The following PRKCB variants were observed in gnomAD, a reference collection of about 807,000 sequenced individuals.
The protein encoded by PRKCB is protein kinase C beta, also known as protein kinase C beta type.
In PRKCB, 13 loss-of-function variants were observed where a neutral mutation model predicts 81.5. The observed-to-expected ratio is 0.16, with a 90% confidence interval of 0.10 to 0.25. The LOEUF (loss-of-function observed/expected upper bound fraction) is 0.25. Ranked by LOEUF, PRKCB falls within the 10% of genes least tolerant of loss-of-function variation. The pLI, the probability that PRKCB is intolerant of heterozygous loss-of-function variation, is 1.00. For missense variants in PRKCB, 509 were observed against 875.7 expected, an observed-to-expected ratio of 0.58 and a Z score of 5.29; for synonymous variants, 335 against 321.4, an observed-to-expected ratio of 1.04 and a Z score of -0.45.
intron 3 of PRKCB, among the ~76,000 whole-genome samples, chr16:23,994,264 A>C (rs1964926813): frequency 6.6e-6 from 1 of 152,142 alleles, no homozygotes; most frequent in South Asian, 2.1e-4. Context: ...TGATCAATGG[A>C]ATTTTAGCTC....
intron 2 of PRKCB, among the ~76,000 whole-genome samples, chr16:23,897,110 G>C (rs1363413123): frequency 6.6e-6 from 1 of 152,210 alleles, no homozygotes; most frequent in Non-Finnish European, 1.5e-5. Flanking sequence ...ACCTCCTGGA[G>C]AGTAGAGCCT....
At chr16:24,071,297 C>T (rs192507113) in intron 5 of PRKCB, among the ~76,000 whole-genome samples, 48 of 152,098 alleles carry the variant, frequency 3.2e-4, no homozygotes, top group Admixed American at 5.2e-4. Flanking sequence ...TACCTCTTCT[C>T]TGCATTGCCT....
rs61454334 is a variant in PRKCB at position 23,886,412 on chromosome 16, T to TG, written c.205+49006_205+49007insG. ...GGACTATGGTGTGTTAGGTGTTTTTTTTTTTTTTTTTTTTTTTTTTGATGA... is the reference window on the plus strand; with the variant it reads ...GGACTATGGTGTGTTAGGTGTTTTTTGTTTTTTTTTTTTTTTTTTTTGATGA... On this transcript the variant is annotated intron_variant, in intron 2 of 16. Transcript: ENST00000643927. Among the ~76,000 whole-genome samples, 284 of 110,980 alleles carry TG rather than the reference T, an allele frequency of 2.6e-3. 6 individuals are homozygous for TG. The highest frequency in any genetic ancestry group is 9.1e-3 in the African/African-American group (266 of 29,150). 72.8% of individuals were successfully genotyped at this position (110,980 alleles called of 152,430 possible).
chr16:23,954,617 A>C (rs1964325713), intron 2 of PRKCB, among the ~76,000 whole-genome samples: 1 of 152,232 alleles, frequency 6.6e-6, no homozygotes, highest in Non-Finnish European at 1.5e-5. Flanking sequence ...CAGCATGGAC[A>C]CTAGAGCCTG....
intron 5 of PRKCB, among the ~76,000 whole-genome samples, chr16:24,063,186 C>A (rs1044332578): frequency 6.6e-6 from 1 of 151,938 alleles, no homozygotes; most frequent in Non-Finnish European, 1.5e-5. Context: ...TCTCACCATG[C>A]GTTGTTGATC....
At chr16:23,842,680 C>A (rs1962287675) in intron 2 of PRKCB, among the ~76,000 whole-genome samples, 1 of 152,214 alleles carries the variant, frequency 6.6e-6, no homozygotes, top group Non-Finnish European at 1.5e-5. Context: ...TAAGTTGGCT[C>A]TTCCTTTTCC....
chr16:24,220,028 C>T lies in PRKCB; in HGVS notation c.*5212C>T. ...AGACAGCCTGTGGAACTGACCCCCACTGATAAACTCTTCATCATGAACTTG... is the reference window on the plus strand; with the variant it reads ...AGACAGCCTGTGGAACTGACCCCCATTGATAAACTCTTCATCATGAACTTG... On this transcript the variant is annotated 3_prime_UTR_variant, in exon 17 of 17. Transcript: ENST00000643927. 6.2e-7 allele frequency: 1 copy of T among 1,614,204 alleles called. No individual in the cohort carries two copies. Among genetic ancestry groups the T allele is most frequent in the Non-Finnish European group, 8.5e-7 (1 of 1,180,020 alleles).
intron 2 of PRKCB, among the ~76,000 whole-genome samples, chr16:23,908,111 G>A (rs1204736133): frequency 6.6e-6 from 1 of 152,118 alleles, no homozygotes; most frequent in Non-Finnish European, 1.5e-5. Flanking sequence ...AGGGAAGTGG[G>A]TGGAATCCCT....
chr16:23,906,073 G>A lies in PRKCB; in HGVS notation c.205+68667G>A, dbSNP rs1221535361. On this transcript the variant is annotated intron_variant, in intron 2 of 16. Transcript: ENST00000643927. The stretch of plus-strand genomic sequence containing the variant: ...TTGACGACGTGCAAGGATAGGTGTC[G>A]CATTGGAATCATGAGGACGGAGGAT... Among the ~76,000 whole-genome samples the A allele has an allele frequency of 2.0e-5, 3 of 152,140 alleles. No individual in the cohort carries two copies. In the East Asian group the frequency reaches 5.8e-4, roughly 29 times the overall value.
At chr16:23,922,388 G>T (rs1436983113) in intron 2 of PRKCB, among the ~76,000 whole-genome samples, 1 of 152,160 alleles carries the variant, frequency 6.6e-6, no homozygotes, top group Non-Finnish European at 1.5e-5. Context: ...CAGAAATCTG[G>T]ATTTCATGCA....
intron 5 of PRKCB, among the ~76,000 whole-genome samples, chr16:24,074,647 A>G (rs1966155980): frequency 6.6e-6 from 1 of 152,214 alleles, no homozygotes; most frequent in Admixed American, 6.5e-5. Flanking sequence ...GTCAGTGAGG[A>G]TGTTCTGAGA....
At chr16:24,088,817 C>A (rs1381790081) in intron 5 of PRKCB, among the ~76,000 whole-genome samples, 1 of 151,862 alleles carries the variant, frequency 6.6e-6, no homozygotes, top group Admixed American at 6.6e-5. Context: ...TCTAAAAGAG[C>A]TGTAAATTCC....
At position 24,217,295 on chromosome 16, in the gene PRKCB, A is replaced by G; in HGVS notation, c.*2479A>G. 2.0e-6 allele frequency: 2 copies of G among 985,404 alleles called. No individual in the cohort carries two copies. The highest frequency in any genetic ancestry group is 2.4e-6 in the Non-Finnish European group (2 of 829,920). 61.0% of individuals were successfully genotyped at this position (985,404 alleles called of 1,614,324 possible). ...TCAAGCCAAAGTCTGTTTTAGAGAA[A>G]CTTTCCATGGAAAGTCAGAATTTCT... is the stretch of plus-strand genomic sequence containing the variant. On this transcript the variant is annotated 3_prime_UTR_variant, in exon 17 of 17. Coordinates refer to ENST00000643927, the MANE Select transcript of PRKCB (RefSeq NM_002738.7).
rs367894275 is a variant in PRKCB, at chr16:24,220,129, A to G, written c.*5313A>G. Reference sequence around the variant, plus strand: ...TAATGTGTAGGTGAATGCAAACTCCATCGTTGAGCCTGGGGTGTAAGACTT... The same window carrying G: ...TAATGTGTAGGTGAATGCAAACTCCGTCGTTGAGCCTGGGGTGTAAGACTT... On this transcript the variant is annotated 3_prime_UTR_variant, in exon 17 of 17. Coordinates refer to ENST00000643927, the MANE Select transcript of PRKCB (RefSeq NM_002738.7). The G allele has an allele frequency of 1.8e-5, 29 of 1,613,818 alleles. No homozygotes were observed. The highest frequency in any genetic ancestry group is 2.2e-5 in the East Asian group (1 of 44,892).
At chr16:23,891,040 G>GTATATATATATATATA (rs60980013) in intron 2 of PRKCB, among the ~76,000 whole-genome samples, 1 of 145,678 alleles carries the variant, frequency 6.9e-6, no homozygotes, top group Non-Finnish European at 1.5e-5. Context: ...TAATGTGTGT[G>GTATATATATATATATA]TATATATATA....
At chr16:24,150,093 G>T (rs1274669772) in intron 9 of PRKCB, among the ~76,000 whole-genome samples, 6 of 152,184 alleles carry the variant, frequency 3.9e-5, no homozygotes, top group Non-Finnish European at 8.8e-5. Flanking sequence ...CACTTTGGGA[G>T]ACCTAGATGG....
intron 2 of PRKCB, among the ~76,000 whole-genome samples, chr16:23,889,325 G>C (rs1031527758): frequency 1.2e-4 from 19 of 152,244 alleles, no homozygotes; most frequent in African/African-American, 4.6e-4. Context: ...GCTATAAAAT[G>C]AGATTGATGT....
chr16:24,112,768 A>C (rs1966690505), intron 7 of PRKCB, among the ~76,000 whole-genome samples: 1 of 152,170 alleles, frequency 6.6e-6, no homozygotes, highest in African/African-American at 2.4e-5. Context: ...TGGAAGAGTT[A>C]CAAAAATACA....
At chr16:23,843,561 G>A (rs1034609910) in intron 2 of PRKCB, among the ~76,000 whole-genome samples, 1 of 152,076 alleles carries the variant, frequency 6.6e-6, no homozygotes, top group Non-Finnish European at 1.5e-5. Context: ...AGGCAACAAC[G>A]AATTCATTTT....
Sources: gnomAD v4.1 joint callset for allele counts (sites outside exome capture counted in the v4.1 genomes callset) on GRCh38, gnomAD v4.1.1 for gene constraint, MANE v1.5 for transcripts, NCBI Gene and HGNC (gene_info 2026-07-23, HGNC 2026-07-21) for gene names.